TCEA2: variants seen among roughly 807,000 people sequenced by gnomAD.
TCEA2 encodes the protein transcription elongation factor A2.
A neutral mutation model predicts 40.8 loss-of-function variants in TCEA2; 21 were observed. The observed-to-expected ratio is 0.51, with a 90% CI of 0.36 to 0.74. The LOEUF is 0.74. Ranked by LOEUF, TCEA2 falls within the 30% of genes least tolerant of loss-of-function variation. The probability of loss-of-function intolerance (pLI) is 0.00; values close to 1 mark genes in which losing one functional copy is unlikely to be tolerated. For synonymous variants in TCEA2, 165 were observed against 162.7 expected, an observed-to-expected ratio of 1.01 and a Z score of -0.11; for missense variants, 326 against 426.5, an observed-to-expected ratio of 0.76 and a Z score of 2.08.
rs1304820903 is a variant in TCEA2 at position 64,066,988 on chromosome 20, A to C, written c.209A>C (p.Lys70Thr). The change falls in exon 3 of 10, where the codon AAG becomes ACG. Residue 70 changes from lysine (K) to threonine (T), a missense_variant. Physicochemically the swap from Lys to Thr is moderately conservative, Grantham distance 78. Coordinates refer to ENST00000343484, the MANE Select transcript of TCEA2 (RefSeq NM_003195.6). ...GATGAGGAGGTCATTGCACTGGCCAAGTCTCTCATCAAGTCCTGGAAGAAG... is the reference window on the plus strand; with the variant it reads ...GATGAGGAGGTCATTGCACTGGCCACGTCTCTCATCAAGTCCTGGAAGAAG... ...SSDEEVIALA[K>T]SLIKSWKKLL... The C allele has an allele frequency of 1.2e-6, 2 of 1,613,638 alleles. No individual in the cohort carries two copies. Among genetic ancestry groups the C allele is most frequent in the Non-Finnish European group, 8.5e-7 (1 of 1,179,838 alleles).
chr20:64,055,927 C>A (rs762577679), upstream of TCEA2, among the ~76,000 whole-genome samples: 27 of 152,082 alleles, frequency 1.8e-4, no homozygotes, highest in Non-Finnish European at 1.3e-4. This position sits in a 1 kb window ranked among gnomAD's most constrained non-coding sequence, Gnocchi z 4.0. Flanking sequence ...CCCTGTGAGT[C>A]AGGTCTCTAG....
upstream of TCEA2, among the ~76,000 whole-genome samples, chr20:64,058,614 C>G (rs1408949023): frequency 1.3e-5 from 2 of 152,206 alleles, no homozygotes; most frequent in African/African-American, 4.8e-5. This position sits in a 1 kb window ranked among gnomAD's most constrained non-coding sequence, Gnocchi z 6.7. Flanking sequence ...ACACAGAGCA[C>G]AAGGTGGAAT....
In TCEA2 at chr20:64,070,594, A is replaced by G; in HGVS notation, c.778A>G (p.Thr260Ala). The G allele has an allele frequency of 6.2e-7, 1 of 1,612,664 alleles. No individual in the cohort carries two copies. Among genetic ancestry groups the G allele is most frequent in the Admixed American group, 1.7e-5 (1 of 59,782 alleles). Reference protein sequence around the residue: ...RTGGTQTDLFTCGKCRKKNCT... With the variant: ...RTGGTQTDLFACGKCRKKNCT... ...TGGCGGCACGCAGACAGACCTGTTC[A>G]CCTGCGGCAAGTGCAGGAAAAAGAA... Residue 260 changes from threonine (T) to alanine (A), a missense_variant, in exon 8 of 10, where the codon ACC (threonine) becomes GCC (alanine). Transcript: ENST00000343484.
At chr20:64,066,360 C>A in intron 1 of TCEA2, 116 bp from the exon 2 acceptor site, 2 of 1,321,768 alleles carry the variant, frequency 1.5e-6, no homozygotes, top group Non-Finnish European at 1.1e-6. Context: ...TCTTTTTGAC[C>A]CCAGGTTGAA....
chr20:64,069,266 G>T, intron 4 of TCEA2, 95 bp from the exon 5 acceptor site: 2 of 1,466,044 alleles, frequency 1.4e-6, no homozygotes, highest in Non-Finnish European at 1.8e-6. Context: ...GTTGGTGGGG[G>T]ATTATGCTGT....
At position 64,072,156 on chromosome 20, in the gene TCEA2, AC is replaced by A; in HGVS notation, c.892-11del. On this transcript the variant is annotated splice_polypyrimidine_tract_variant and intron_variant, in intron 9 of 9. Transcript: ENST00000343484. ...ATGTGGCCACAAGGCTGGAGGCCTC[AC>A]CCCCTTTCTCGCAGTTCTGCTGACC... The A allele has an allele frequency of 6.2e-7, 1 of 1,613,218 alleles. No homozygotes were observed. The highest frequency in any genetic ancestry group is 8.5e-7 in the Non-Finnish European group (1 of 1,179,668).
At chr20:64,061,862 G>A (rs2059572356), upstream of TCEA2, among the ~76,000 whole-genome samples, 1 of 152,032 alleles carries the variant, frequency 6.6e-6, no homozygotes, top group Non-Finnish European at 1.5e-5. Context: ...CCAAGTAGCT[G>A]AGATTACAGG....
chr20:64,071,320 C>A (rs1430933783), intron 8 of TCEA2, among the ~76,000 whole-genome samples: 1 of 151,666 alleles, frequency 6.6e-6, no homozygotes, highest in East Asian at 1.9e-4. Context: ...TGCTCTCCAG[C>A]CTGGGCGACA....
chr20:64,070,217 G>A, intron 6 of TCEA2, 43 bp from the exon 7 acceptor site: 1 of 1,605,810 alleles, frequency 6.2e-7, no homozygotes, highest in Non-Finnish European at 8.5e-7. Context: ...GTAGGTGGAG[G>A]GCAGCGACGT....
upstream of TCEA2, among the ~76,000 whole-genome samples, chr20:64,059,610 C>T (rs1440514018): frequency 6.6e-6 from 1 of 152,164 alleles, no homozygotes; most frequent in Non-Finnish European, 1.5e-5. Context: ...GATCTGCACA[C>T]AGGTATCACA....
chr20:64,069,652 G>T, intron 5 of TCEA2, 113 bp from the exon 6 acceptor site: 1 of 1,533,150 alleles, frequency 6.5e-7, no homozygotes, highest in Non-Finnish European at 8.8e-7. Context: ...TGGATCGTGG[G>T]CCTCTTGCAG....
At chr20:64,061,096 CTTTTTTTTTTTT>C (rs71197441), upstream of TCEA2, among the ~76,000 whole-genome samples, 71 of 60,532 alleles carry the variant, frequency 1.2e-3, no homozygotes, top group African/African-American at 4.0e-3. Context: ...CAGCCTGAGT[CTTTTTTTTTTTT>C]TTTTTTTTTT....
chr20:64,055,918 C>T (rs1415915810), upstream of TCEA2, among the ~76,000 whole-genome samples: 1 of 152,056 alleles, frequency 6.6e-6, no homozygotes, highest in Non-Finnish European at 1.5e-5. The surrounding 1 kb of genome is among the most constrained non-coding windows in gnomAD (Gnocchi z 4.0). Context: ...GTTTTGCTGC[C>T]CTGTGAGTCA....
Position 64,070,651 on chromosome 20 carries a change from G to T in TCEA2, c.819+16G>T. On this transcript the variant is annotated intron_variant, in intron 8 of 9. Transcript: ENST00000343484. ...CTACACACAGGTGAGCGGCCGCTGGGCACCCTCCCCCGGGCCCGGTGTCTT... is the reference window on the plus strand; with the variant it reads ...CTACACACAGGTGAGCGGCCGCTGGTCACCCTCCCCCGGGCCCGGTGTCTT... The T allele has an allele frequency of 1.3e-6, 2 of 1,542,696 alleles. No individual in the cohort carries two copies. The highest frequency in any genetic ancestry group is 1.8e-6 in the Non-Finnish European group (2 of 1,140,482).
intron 3 of TCEA2, among the ~76,000 whole-genome samples, chr20:64,067,740 C>T (rs374648068): frequency 6.6e-4 from 100 of 152,338 alleles, no homozygotes; most frequent in African/African-American, 2.3e-3. Flanking sequence ...CCAGGACAGG[C>T]AGGAGGGTGG....
At chr20:64,060,717 A>G (rs964556344), upstream of TCEA2, among the ~76,000 whole-genome samples, 3 of 152,148 alleles carry the variant, frequency 2.0e-5, no homozygotes, top group African/African-American at 7.2e-5. Flanking sequence ...AATAATAATA[A>G]TAATATAATA....
Position 64,071,941 on chromosome 20 carries a change from G to C in TCEA2, c.891G>C (p.Lys297Asn). The part of the protein sequence containing the change: ...VVCNECGNRW[K>N]FC ...GCAACGAGTGTGGAAACCGCTGGAAGGTGGGTGAGCAGGCTCAGGCTGCCC... is the reference window on the plus strand; with the variant it reads ...GCAACGAGTGTGGAAACCGCTGGAACGTGGGTGAGCAGGCTCAGGCTGCCC... Residue 297 changes from lysine (K) to asparagine (N), a missense_variant and splice_region_variant, in exon 9 of 10, where the codon AAG (lysine) becomes AAC (asparagine). Lys to Asn is a moderately conservative substitution (Grantham distance 94). Transcript: ENST00000343484. The C allele has an allele frequency of 1.2e-6, 2 of 1,614,152 alleles. No homozygotes were observed. Among genetic ancestry groups the C allele is most frequent in the Non-Finnish European group, 1.7e-6 (2 of 1,180,038 alleles).
chr20:64,065,261 A>G (rs1490396434), intron 1 of TCEA2, among the ~76,000 whole-genome samples: 1 of 152,104 alleles, frequency 6.6e-6, no homozygotes, highest in Non-Finnish European at 1.5e-5. Context: ...CCCAAGAGGC[A>G]GGGCCTGCCT....
At position 64,068,238 on chromosome 20, in the gene TCEA2, T is replaced by C. The variant is rs112440466; in HGVS notation, c.329+104T>C. ...ATGTGCCTAGGCACTGCTTTGAGGC[T>C]GCACACAGAGTCGGTCAGCCTCATG... On this transcript the variant is annotated intron_variant, in intron 4 of 9. Coordinates refer to ENST00000343484, the MANE Select transcript of TCEA2 (RefSeq NM_003195.6). 567 of 1,049,556 alleles carry C rather than the reference T, an allele frequency of 5.4e-4. 5 individuals are homozygous for C. The African/African-American group carries it at 8.1e-3, about 15-fold the overall frequency. The allele number at this position is 1,049,556 out of a possible 1,614,324, so 65.0% of individuals were successfully genotyped here.
Sources: gnomAD v4.1 joint callset for allele counts (sites outside exome capture counted in the v4.1 genomes callset) on GRCh38, gnomAD v4.1.1 for gene constraint, Gnocchi (gnomAD v3.1) non-coding constraint, MANE v1.5 for transcripts, NCBI Gene and HGNC (gene_info 2026-07-23, HGNC 2026-07-21) for gene names.